Variants in TTC34 observed in about 807,000 individuals in gnomAD.
TTC34 encodes the protein tetratricopeptide repeat protein 34.
A neutral mutation model predicts 40.7 loss-of-function variants in TTC34; 44 were observed. That is an observed-to-expected ratio of 1.08 (90% CI 0.85 to 1.39). TTC34 has a LOEUF of 1.39. Ranked by LOEUF, TTC34 falls within the 40% of genes most tolerant of loss-of-function variation. The probability of loss-of-function intolerance (pLI) is 0.00; values close to 1 mark genes in which losing one functional copy is unlikely to be tolerated. For synonymous variants in TTC34, 422 were observed against 398.6 expected, an observed-to-expected ratio of 1.06 and a Z score of -0.70; for missense variants, 884 against 838.0, an observed-to-expected ratio of 1.05 and a Z score of -0.68.
At chr1:2,698,507 G>A (rs1489937163) in intron 6 of TTC34, among the ~76,000 whole-genome samples, 76 of 119,842 alleles carry the variant, frequency 6.3e-4, no homozygotes, top group South Asian at 1.6e-3. Flanking sequence ...GCATCTGACA[G>A]CCTGAAGCAG....
intron 6 of TTC34, among the ~76,000 whole-genome samples, chr1:2,687,634 A>G (rs1640425380): frequency 2.1e-5 from 3 of 144,468 alleles, no homozygotes; most frequent in East Asian, 4.3e-4. Flanking sequence ...ATATCCTGGA[A>G]CAGCACCCAC....
intron 6 of TTC34, among the ~76,000 whole-genome samples, chr1:2,685,935 T>C (rs1285407821): frequency 7.3e-6 from 1 of 136,834 alleles, no homozygotes; most frequent in African/African-American, 2.9e-5. Context: ...GGTGAGCATG[T>C]GACAGCCGGG....
intron 6 of TTC34, among the ~76,000 whole-genome samples, chr1:2,662,489 G>C (rs1570774787): frequency 2.1e-5 from 2 of 94,246 alleles, no homozygotes; most frequent in African/African-American, 3.3e-5. Context: ...ACCCAGGTGA[G>C]CATCTGACAG....
At chr1:2,653,778 G>C (rs894910635) in intron 6 of TTC34, among the ~76,000 whole-genome samples, 2 of 132,742 alleles carry the variant, frequency 1.5e-5, no homozygotes, top group East Asian at 2.3e-4. Flanking sequence ...ACCCCCAGGC[G>C]AGCATCTGAC....
intron 6 of TTC34, among the ~76,000 whole-genome samples, chr1:2,769,539 C>A (rs1477908871): frequency 8.7e-6 from 1 of 114,552 alleles, no homozygotes; most frequent in Non-Finnish European, 1.7e-5. Flanking sequence ...CCTGGAGCAG[C>A]ACCCCACACC....
chr1:2,652,351 G>T (rs552932343), intron 6 of TTC34, among the ~76,000 whole-genome samples: 252 of 151,138 alleles, frequency 1.7e-3, no homozygotes, highest in Non-Finnish European at 2.9e-3. Context: ...TGATATCCTG[G>T]AACAGCACGC....
intron 6 of TTC34, among the ~76,000 whole-genome samples, chr1:2,656,497 C>A (rs1273821071): frequency 0.016 from 8 of 508 alleles, 4 homozygotes; most frequent in Admixed American, 0.029. Context: ...GCACCCACAC[C>A]CCAAGGCGAG....
chr1:2,756,911 A>ACCCCCAG (rs1641525668), intron 6 of TTC34, among the ~76,000 whole-genome samples: 1 of 151,972 alleles, frequency 6.6e-6, no homozygotes, highest in African/African-American at 2.4e-5. Flanking sequence ...CCACACCCAC[A>ACCCCCAG]GTTGAGCATC....
intron 6 of TTC34, among the ~76,000 whole-genome samples, chr1:2,684,754 A>C (rs1257112482): frequency 0.029 from 218 of 7,418 alleles, no homozygotes; most frequent in Middle Eastern, 0.062. Flanking sequence ...ACAGCACCAA[A>C]AACCCCAGGT....
chr1:2,786,769 CT>C (rs1643596142), intron 4 of TTC34, among the ~76,000 whole-genome samples: 1 of 152,212 alleles, frequency 6.6e-6, no homozygotes, highest in Non-Finnish European at 1.5e-5. Context: ...AACGTCCCCT[CT>C]CCGCGACTCC....
At chr1:2,687,776 A>G (rs1640432273) in intron 6 of TTC34, among the ~76,000 whole-genome samples, 1 of 149,874 alleles carries the variant, frequency 6.7e-6, no homozygotes, top group Non-Finnish European at 1.5e-5. Context: ...CCCTGAGGCG[A>G]GCATCTGACA....
At chr1:2,748,825 C>G (rs1169073726) in intron 6 of TTC34, among the ~76,000 whole-genome samples, 523 of 3,842 alleles carry the variant, frequency 0.14, 3 homozygotes, top group African/African-American at 0.21. Context: ...CTGACAGCCT[C>G]GGTCGGCACC....
intron 6 of TTC34, among the ~76,000 whole-genome samples, chr1:2,749,015 T>G (rs1426201640): frequency 0.014 from 267 of 18,816 alleles, no homozygotes; most frequent in East Asian, 0.04. Flanking sequence ...CAGGTGAGCA[T>G]CTGACAGCCT....
At chr1:2,683,122 C>T (rs1165767682) in intron 6 of TTC34, among the ~76,000 whole-genome samples, 3 of 136,788 alleles carry the variant, frequency 2.2e-5, no homozygotes, top group African/African-American at 7.9e-5. Flanking sequence ...CCCAGGTGAG[C>T]ATTTGACAGC....
chr1:2,800,644 G>C (rs1643761495), exon 2 of TTC34: 3 of 398,414 alleles, frequency 7.5e-6, no homozygotes, highest in Middle Eastern at 6.2e-4. Flanking sequence ...CAGGACTCCA[G>C]GGTGGCCACC....
intron 6 of TTC34, among the ~76,000 whole-genome samples, chr1:2,688,283 CCACA>C (rs1640463466): frequency 1.3e-5 from 2 of 148,212 alleles, no homozygotes; most frequent in African/African-American, 2.6e-5. Flanking sequence ...GGATCAGCAC[CCACA>C]CTCCCAGGCG....
intron 4 of TTC34, 128 bp downstream of exon 4, chr1:2,787,353 G>A: frequency 1.3e-6 from 1 of 798,318 alleles, no homozygotes; most frequent in Non-Finnish European, 1.8e-6. Flanking sequence ...CAGAGCTGGG[G>A]CTGAATGCAG....
chr1:2,784,904 T>C (rs1293151176), intron 5 of TTC34, among the ~76,000 whole-genome samples: 3 of 152,150 alleles, frequency 2.0e-5, no homozygotes, highest in Non-Finnish European at 4.4e-5. Context: ...GAGGCTGTCA[T>C]TACTGTGCCC....
At chr1:2,687,287 A>G (rs1157525513) in intron 6 of TTC34, among the ~76,000 whole-genome samples, 5 of 83,730 alleles carry the variant, frequency 6.0e-5, no homozygotes, top group African/African-American at 1.2e-4. Context: ...ACCCACAACC[A>G]CAGGTGAGCA....
Sources: allele counts gnomAD v4.1 joint callset (sites outside exome capture counted in the v4.1 genomes callset), GRCh38; gene constraint gnomAD v4.1.1; transcripts MANE v1.5; gene names NCBI Gene and HGNC (gene_info 2026-07-23, HGNC 2026-07-21).